The following TRIM67 variants were observed in gnomAD, a reference collection of about 807,000 sequenced individuals.
TRIM67 encodes tripartite motif containing 67.
A neutral mutation model predicts 71.0 loss-of-function variants in TRIM67; 39 were observed. That is an observed-to-expected ratio of 0.55 (90% CI 0.43 to 0.72). TRIM67 has a LOEUF of 0.72. TRIM67 is among the 30% of genes least tolerant of loss of function. The pLI is 0.00. For missense variants in TRIM67, 973 were observed against 1,079.2 expected (o/e 0.90, Z 1.38); for synonymous variants, 481 against 473.9 (o/e 1.01, Z -0.19).
chr1:231,176,664 T>C (rs769598210), intron 1 of TRIM67, among the ~76,000 whole-genome samples: 3 of 152,016 alleles, frequency 2.0e-5, no homozygotes, highest in Non-Finnish European at 4.4e-5. Context: ...ATGAAGGAAC[T>C]CAGACTACCA....
At chr1:231,207,140 C>T (rs1287530912) in intron 7 of TRIM67, among the ~76,000 whole-genome samples, 3 of 152,180 alleles carry the variant, frequency 2.0e-5, no homozygotes, top group African/African-American at 7.2e-5. Context: ...CTACAAGCCA[C>T]GAAAGAAACA....
intron 7 of TRIM67, among the ~76,000 whole-genome samples, chr1:231,208,537 G>C (rs111752818): frequency 0.11 from 16,454 of 151,750 alleles, 1,616 homozygotes; most frequent in African/African-American, 0.25. Flanking sequence ...GTCTCAAACC[G>C]CTGACCTGAG....
At chr1:231,170,873 C>G (rs1436848865) in intron 1 of TRIM67, among the ~76,000 whole-genome samples, 3 of 152,170 alleles carry the variant, frequency 2.0e-5, no homozygotes, top group African/African-American at 7.2e-5. Context: ...AAATAATTTG[C>G]TCTCCTTTAG....
At position 231,162,190 on chromosome 1, in the gene TRIM67, G is replaced by C. The variant is rs1345825019; in HGVS notation, c.-780G>C. The C allele has an allele frequency of 6.6e-6, 1 of 152,212 alleles. No homozygotes were observed. The highest frequency in any genetic ancestry group is 1.9e-4 in the East Asian group (1 of 5,174). 9.4% of individuals were successfully genotyped at this position (152,212 alleles called of 1,614,324 possible). Reference sequence around the variant, plus strand: ...CGTCGCGCGGCCCAAGGTCAGAGGCGCCGCAGGAGCAGCAGCTGGGAACCA... The same window carrying C: ...CGTCGCGCGGCCCAAGGTCAGAGGCCCCGCAGGAGCAGCAGCTGGGAACCA... On this transcript the variant is annotated 5_prime_UTR_variant, in exon 1 of 10. Transcript: ENST00000366653.
intron 8 of TRIM67, among the ~76,000 whole-genome samples, chr1:231,211,455 C>T (rs1683867913): frequency 6.6e-6 from 1 of 152,156 alleles, no homozygotes. Flanking sequence ...TGAGGCTTTG[C>T]TTAGGTTGGA....
intron 1 of TRIM67, among the ~76,000 whole-genome samples, chr1:231,179,064 A>C (rs750287563): frequency 2.0e-5 from 3 of 152,262 alleles, no homozygotes; most frequent in Non-Finnish European, 2.9e-5. Context: ...TAAGGCTTCC[A>C]TCACAAATTA....
In TRIM67 at chr1:231,209,301, G is replaced by T; in HGVS notation, c.2123+51G>T. ...CCGTGGACACAGGTTGTTTGGGAAT[G>T]AGGGTCCTGAAGACCAGTGTCCCTT... On this transcript the variant is annotated intron_variant, in intron 8 of 9. Transcript: ENST00000366653. The surrounding 1 kb of genome is among the most constrained non-coding windows in gnomAD (Gnocchi z 4.1). The T allele has an allele frequency of 6.7e-7, 1 of 1,485,076 alleles. No individual in the cohort carries two copies. The highest frequency in any genetic ancestry group is 2.4e-5 in the East Asian group (1 of 42,172). The allele number at this position is 1,485,076 out of a possible 1,614,324, so 92.0% of individuals were successfully genotyped here.
intron 8 of TRIM67, among the ~76,000 whole-genome samples, chr1:231,212,220 G>A (rs997644583): frequency 2.0e-5 from 3 of 152,194 alleles, no homozygotes; most frequent in Non-Finnish European, 4.4e-5. Flanking sequence ...GTTACAAGAA[G>A]AGCAACGGTA....
chr1:231,204,401 A>G (rs1239891865), intron 6 of TRIM67, among the ~76,000 whole-genome samples: 3 of 152,158 alleles, frequency 2.0e-5, no homozygotes, highest in Non-Finnish European at 4.4e-5. Flanking sequence ...ACGAGGAAGC[A>G]CTGTCTGACC....
intron 1 of TRIM67, among the ~76,000 whole-genome samples, chr1:231,171,711 T>C (rs1202363627): frequency 6.6e-5 from 10 of 152,176 alleles, no homozygotes; most frequent in Non-Finnish European, 1.0e-4. Flanking sequence ...CTAACAGAGA[T>C]TATGAGTCGC....
Position 231,199,179 on chromosome 1 carries a change from TG to T in TRIM67, c.1263+15del. 1 of 1,613,682 alleles carries T rather than the reference TG, an allele frequency of 6.2e-7. No homozygotes were observed. The highest frequency in any genetic ancestry group is 2.2e-5 in the East Asian group (1 of 44,860). ...GGAACACAAGTTGAAGGTAGGTACC[TG>T]GGGGACTGACACATTGAATCCCTGC... On this transcript the variant is annotated intron_variant, in intron 3 of 9. Coordinates refer to ENST00000366653, the MANE Select transcript of TRIM67 (RefSeq NM_001004342.5).
chr1:231,201,598 G>C lies in TRIM67; in HGVS notation c.1534+81G>C, dbSNP rs367699241. On this transcript the variant is annotated intron_variant, in intron 5 of 9. Coordinates refer to ENST00000366653, the MANE Select transcript of TRIM67 (RefSeq NM_001004342.5). ...TCTGAGGGGCCAGCTCGGTGCCATA[G>C]GGAGACCTGTGATGCACGGAGTGTG... 10 of 1,496,026 alleles carry C rather than the reference G, an allele frequency of 6.7e-6. 1 individual carries two copies. Among genetic ancestry groups the C allele is most frequent in the East Asian group, 2.4e-5 (1 of 41,600 alleles). The allele number at this position is 1,496,026 out of a possible 1,614,324, so 92.7% of individuals were successfully genotyped here. A position where few individuals can be genotyped will look rare whatever the true frequency, so the allele number is the denominator to read the frequency against.
chr1:231,209,611 A>T lies in TRIM67; in HGVS notation c.2123+361A>T, dbSNP rs1468628787. On this transcript the variant is annotated intron_variant, in intron 8 of 9. Coordinates refer to ENST00000366653, the MANE Select transcript of TRIM67 (RefSeq NM_001004342.5). The surrounding 1 kb of genome is among the most constrained non-coding windows in gnomAD (Gnocchi z 4.1). The stretch of plus-strand genomic sequence containing the variant: ...AAGCTTGGGTTGCTGCAGGGTGTTA[A>T]TGGGCACCACTGGGGCTGGTGTCCT... 6.6e-6 allele frequency among the ~76,000 whole-genome samples: 1 copy of T among 152,180 alleles called. No individual in the cohort carries two copies. Among genetic ancestry groups the T allele is most frequent in the African/African-American group, 2.4e-5 (1 of 41,448 alleles).
rs1039966337 is a variant in TRIM67 at position 231,217,049 on chromosome 1, C to A, written c.*1609C>A. 1.0e-6 allele frequency: 1 copy of A among 985,810 alleles called. No individual in the cohort carries two copies. The highest frequency in any genetic ancestry group is 1.7e-5 in the African/African-American group (1 of 57,254). The allele number at this position is 985,810 out of a possible 1,614,324, so 61.1% of individuals were successfully genotyped here. ...ACCAACTGTGCGTCCTTGGTTCTGC[C>A]TTCCTGTTCAGACACCGCGCCTGCT... On this transcript the variant is annotated 3_prime_UTR_variant, in exon 10 of 10. Transcript: ENST00000366653.
At chr1:231,193,158 G>T (rs535539713) in intron 1 of TRIM67, among the ~76,000 whole-genome samples, 13 of 152,330 alleles carry the variant, frequency 8.5e-5, no homozygotes, top group African/African-American at 2.4e-4. Context: ...TGATGAATCT[G>T]CAGGGATCTA....
At chr1:231,174,152 C>CTTTTTTTTT (rs35651112) in intron 1 of TRIM67, among the ~76,000 whole-genome samples, 37 of 127,346 alleles carry the variant, frequency 2.9e-4, no homozygotes, top group South Asian at 7.6e-4. Flanking sequence ...GTCTTATTTT[C>CTTTTTTTTT]TTTTTTTTTT....
At chr1:231,208,910 C>T (rs947180666) in intron 7 of TRIM67, 37 bp from the exon 8 acceptor site, 2 of 1,522,624 alleles carry the variant, frequency 1.3e-6, no homozygotes, top group East Asian at 4.6e-5. Flanking sequence ...CAAATTCCAT[C>T]CCCTGACCCT....
rs531030869 is a variant in TRIM67 at position 231,191,800 on chromosome 1, A to G, written c.1045-5571A>G. 7.2e-5 allele frequency among the ~76,000 whole-genome samples: 11 copies of G among 152,338 alleles called. No homozygotes were observed. The South Asian group carries it at 2.3e-3, about 32-fold the overall frequency. ...CCATTTTAATTATGCCCAGTGTGGG[A>G]GAGGATTGAGACTTGAATATCTCAG... On this transcript the variant is annotated intron_variant, in intron 1 of 9. Transcript: ENST00000366653.
intron 8 of TRIM67, among the ~76,000 whole-genome samples, chr1:231,212,488 A>T (rs1037706025): frequency 6.6e-5 from 10 of 152,166 alleles, no homozygotes; most frequent in Admixed American, 6.5e-4. Flanking sequence ...GAGTTTGTCC[A>T]GCCTTCCCAG....
Sources: allele counts gnomAD v4.1 joint callset (sites outside exome capture counted in the v4.1 genomes callset), GRCh38; gene constraint gnomAD v4.1.1; non-coding constraint Gnocchi (gnomAD v3.1); transcripts MANE v1.5; gene names NCBI Gene and HGNC (gene_info 2026-07-23, HGNC 2026-07-21).